The following LEF1 variants were observed in gnomAD, a reference collection of about 807,000 sequenced individuals.
The protein encoded by LEF1 is lymphoid enhancer-binding factor 1.
In LEF1, 14 loss-of-function variants were observed where a neutral mutation model predicts 51.2. That is an observed-to-expected ratio of 0.27 (90% CI 0.18 to 0.43). The LOEUF is 0.43. LEF1 is among the 20% of genes least tolerant of loss of function. The pLI, the probability that LEF1 is intolerant of heterozygous loss-of-function variation, is 1.00. For synonymous variants in LEF1, 185 were observed against 183.2 expected (o/e 1.01, Z -0.08); for missense variants, 386 against 512.0 (o/e 0.75, Z 2.37).
At chr4:108,163,481 A>G in intron 3 of LEF1, 87 bp downstream of exon 3, 1 of 1,414,556 alleles carries the variant, frequency 7.1e-7, no homozygotes, top group Admixed American at 1.8e-5. Flanking sequence ...AAGCATTACC[A>G]ATGAGTTTGG....
At chr4:108,059,382 A>G (rs1055675514) in intron 11 of LEF1, among the ~76,000 whole-genome samples, 5 of 152,190 alleles carry the variant, frequency 3.3e-5, no homozygotes, top group African/African-American at 9.7e-5. Context: ...CAGTGGTGCA[A>G]TCATAGCTCA....
intron 3 of LEF1, among the ~76,000 whole-genome samples, chr4:108,126,946 C>A (rs996415507): frequency 1.3e-5 from 2 of 151,330 alleles, no homozygotes; most frequent in African/African-American, 4.9e-5. Flanking sequence ...CCTTAAGAAT[C>A]TGTATGTAAT....
intron 3 of LEF1, among the ~76,000 whole-genome samples, chr4:108,102,063 C>CAA (rs5860893): frequency 4.5e-4 from 35 of 77,816 alleles, no homozygotes; most frequent in African/African-American, 1.1e-3. Flanking sequence ...AACCCGGTCT[C>CAA]AAAAAAAAAA....
intron 11 of LEF1, among the ~76,000 whole-genome samples, chr4:108,057,281 C>A (rs936692603): frequency 5.9e-5 from 9 of 152,064 alleles, no homozygotes; most frequent in African/African-American, 2.2e-4. Flanking sequence ...TCTTCAGCTG[C>A]CTCCAATTTC....
chr4:108,063,769 T>C, intron 10 of LEF1, 106 bp from the exon 11 acceptor site: 1 of 773,740 alleles, frequency 1.3e-6, no homozygotes. Context: ...TTACTTTTCA[T>C]GGTTCTTATA....
chr4:108,108,719 A>C (rs1268237253), intron 3 of LEF1, among the ~76,000 whole-genome samples: 2 of 152,188 alleles, frequency 1.3e-5, no homozygotes, highest in Non-Finnish European at 2.9e-5. Context: ...CAGTTTCTTT[A>C]TTTATAAGAT....
intron 11 of LEF1, among the ~76,000 whole-genome samples, chr4:108,061,550 C>T (rs1199481909): frequency 6.6e-6 from 1 of 151,982 alleles, no homozygotes; most frequent in African/African-American, 2.4e-5. Flanking sequence ...CCTTGGCACA[C>T]TGCCATTCTG....
At chr4:108,117,657 G>C (rs1256013082) in intron 3 of LEF1, among the ~76,000 whole-genome samples, 1 of 152,224 alleles carries the variant, frequency 6.6e-6, no homozygotes, top group African/African-American at 2.4e-5. Context: ...ACCTTTCCCA[G>C]GGCTTTGATC....
chr4:108,064,468 G>T, intron 9 of LEF1, 84 bp from the exon 10 acceptor site: 1 of 1,014,846 alleles, frequency 9.9e-7, no homozygotes, highest in Non-Finnish European at 1.5e-6. Context: ...CAGGCAGGTG[G>T]TCAACAAAGA....
At chr4:108,123,046 T>C (rs1742276559) in intron 3 of LEF1, among the ~76,000 whole-genome samples, 1 of 152,322 alleles carries the variant, frequency 6.6e-6, no homozygotes, top group East Asian at 1.9e-4. Flanking sequence ...TTTTCTATTC[T>C]TTTTTCTTTT....
intron 8 of LEF1, among the ~76,000 whole-genome samples, chr4:108,077,890 A>AT (rs796089476): frequency 1.3e-5 from 2 of 152,172 alleles, no homozygotes; most frequent in Non-Finnish European, 1.5e-5. Flanking sequence ...GAAAAAAAAA[A>AT]TTAGCCAGGC....
chr4:108,124,503 G>A (rs1742390802), intron 3 of LEF1, among the ~76,000 whole-genome samples: 2 of 151,892 alleles, frequency 1.3e-5, no homozygotes, highest in Non-Finnish European at 1.5e-5. Context: ...CCAAGTAGCT[G>A]GAACTACAGG....
intron 8 of LEF1, chr4:108,072,894 AT>A (rs1050170000): frequency 1.3e-5 from 2 of 151,560 alleles, no homozygotes; most frequent in African/African-American, 4.9e-5. Flanking sequence ...AGGAAACATC[AT>A]CGTTTTTTGT....
At chr4:108,061,219 G>C (rs6533346) in intron 11 of LEF1, among the ~76,000 whole-genome samples, 127,343 of 152,036 alleles carry the variant, frequency 0.84, 54,479 homozygotes, top group East Asian at 0.97. Flanking sequence ...ATGTTTTAGG[G>C]GGGTAGGGTG....
At chr4:108,051,159 C>T (rs1736963688) in intron 11 of LEF1, among the ~76,000 whole-genome samples, 1 of 152,104 alleles carries the variant, frequency 6.6e-6, no homozygotes, top group Non-Finnish European at 1.5e-5. Context: ...TTTCCTTATT[C>T]CATGGGGTCA....
In LEF1 at chr4:108,079,631, G is replaced by C; in HGVS notation, c.723-17C>G. 6.2e-7 allele frequency: 1 copy of C among 1,613,852 alleles called. No homozygotes were observed. The highest frequency in any genetic ancestry group is 8.5e-7 in the Non-Finnish European group (1 of 1,179,866). ...TGGGAAAACCTGAAAGGAGGAAAGAGAAGAAAACAATGTACTACTGGCTGT... is the reference window on the plus strand; with the variant it reads ...TGGGAAAACCTGAAAGGAGGAAAGACAAGAAAACAATGTACTACTGGCTGT... On this transcript the variant is annotated splice_polypyrimidine_tract_variant and intron_variant, in intron 6 of 11. Transcript: ENST00000265165.
chr4:108,078,125 T>C (rs1386302110), intron 8 of LEF1, 95 bp downstream of exon 8: 25 of 1,157,406 alleles, frequency 2.2e-5, no homozygotes, highest in African/African-American at 4.5e-5. Context: ...GCAAACACAT[T>C]CTATGACCAC....
At chr4:108,112,266 G>A (rs1343175466) in intron 3 of LEF1, among the ~76,000 whole-genome samples, 2 of 152,206 alleles carry the variant, frequency 1.3e-5, no homozygotes, top group African/African-American at 4.8e-5. Context: ...CTCTGCTTCT[G>A]TAAGCAGAGG....
chr4:108,131,756 T>C (rs868032564), intron 3 of LEF1, among the ~76,000 whole-genome samples: 2 of 152,182 alleles, frequency 1.3e-5, no homozygotes, highest in South Asian at 2.1e-4. Context: ...AACCCTGCCT[T>C]TATGCAGCTT....
Sources: gnomAD v4.1 joint callset for allele counts (sites outside exome capture counted in the v4.1 genomes callset) on GRCh38, gnomAD v4.1.1 for gene constraint, MANE v1.5 for transcripts, NCBI Gene and HGNC (gene_info 2026-07-23, HGNC 2026-07-21) for gene names.